Variants in LIMA1 observed in about 807,000 individuals in gnomAD.
LIMA1 encodes LIM domain and actin-binding protein 1.
Under a neutral mutation model 62.6 loss-of-function variants are expected in LIMA1, and 52 were observed. That is an observed-to-expected ratio of 0.83 (90% CI 0.67 to 1.05). LIMA1 has a LOEUF of 1.05. LIMA1 is among the 50% of genes least tolerant of loss of function. The pLI is 0.00. For missense variants in LIMA1, 780 were observed against 902.2 expected, an observed-to-expected ratio of 0.86 and a Z score of 1.74; for synonymous variants, 302 against 317.8, an observed-to-expected ratio of 0.95 and a Z score of 0.53.
At chr12:50,230,611 T>C (rs1399124259) in intron 3 of LIMA1, among the ~76,000 whole-genome samples, 2 of 152,174 alleles carry the variant, frequency 1.3e-5, no homozygotes, top group Non-Finnish European at 2.9e-5. Context: ...TCTGGCTGAC[T>C]GCAGAGTCAA....
Position 50,274,138 on chromosome 12 carries a change from TA to T in LIMA1, c.-24+9281del, listed in dbSNP as rs533066450. 6.4e-4 allele frequency among the ~76,000 whole-genome samples: 97 copies of T among 152,016 alleles called. 1 individual carries two copies. Among genetic ancestry groups the T allele is most frequent in the Non-Finnish European group, 1.2e-3 (83 of 67,952 alleles). On this transcript the variant is annotated intron_variant, in intron 1 of 10. Coordinates refer to ENST00000341247, the MANE Select transcript of LIMA1 (RefSeq NM_016357.5). Reference sequence around the variant, plus strand: ...GGACCGACCTCAGCTGTTGTCCAGTTAAAAAAAATACAACACTTTGGATTGC... The same window carrying T: ...GGACCGACCTCAGCTGTTGTCCAGTTAAAAAAATACAACACTTTGGATTGC...
intron 4 of LIMA1, chr12:50,219,570 A>G (rs978987769): frequency 6.6e-6 from 1 of 152,172 alleles, no homozygotes; most frequent in Non-Finnish European, 1.5e-5. Context: ...CAATAAAACC[A>G]AGGGTGGCTG....
At chr12:50,228,297 A>G (rs931638146) in intron 3 of LIMA1, among the ~76,000 whole-genome samples, 1 of 152,132 alleles carries the variant, frequency 6.6e-6, no homozygotes, top group African/African-American at 2.4e-5. Flanking sequence ...ATGATTGTCT[A>G]TACTCGTGGG....
chr12:50,210,913 G>C (rs1941244761), intron 4 of LIMA1, among the ~76,000 whole-genome samples: 1 of 152,186 alleles, frequency 6.6e-6, no homozygotes, highest in African/African-American at 2.4e-5. Context: ...ACAGACTGTG[G>C]CTCTGAGGAG....
Position 50,177,312 on chromosome 12 carries a change from T to C in LIMA1, c.2032A>G (p.Asn678Asp). Residue 678 changes from asparagine (N) to aspartate (D), a missense_variant, in exon 11 of 11, where the codon AAT (asparagine) becomes GAT (aspartate). Asn to Asp is a conservative substitution (Grantham distance 23). Coordinates refer to ENST00000341247, the MANE Select transcript of LIMA1 (RefSeq NM_016357.5). ...EGHSLEMENE[N>D]LVENGADSDE... ...GAGTCTGCACCATTTTCTACAAGATTCTCATTCTCCATCTCCAAACTATGA... is the reference window on the plus strand; with the variant it reads ...GAGTCTGCACCATTTTCTACAAGATCCTCATTCTCCATCTCCAAACTATGA... 6.2e-7 allele frequency: 1 copy of C among 1,614,232 alleles called. No individual in the cohort carries two copies. The highest frequency in any genetic ancestry group is 1.1e-5 in the South Asian group (1 of 91,082).
At chr12:50,261,145 C>T (rs1357926598) in intron 1 of LIMA1, among the ~76,000 whole-genome samples, 3 of 147,316 alleles carry the variant, frequency 2.0e-5, no homozygotes, top group African/African-American at 2.5e-5. Context: ...CTCCGCCTCC[C>T]GGGTTCACGT....
Position 50,248,628 on chromosome 12 carries a change from C to G in LIMA1, c.119+5G>C. Reference sequence around the variant, plus strand: ...TGGTCCTTTTGGACCAGGATCAGCACTTACTTGGAGAATATTTCCACAATA... The same window carrying G: ...TGGTCCTTTTGGACCAGGATCAGCAGTTACTTGGAGAATATTTCCACAATA... On this transcript the variant is annotated splice_donor_5th_base_variant and intron_variant, in intron 2 of 10. Coordinates refer to ENST00000341247, the MANE Select transcript of LIMA1 (RefSeq NM_016357.5). 6.3e-7 allele frequency: 1 copy of G among 1,577,062 alleles called. No individual in the cohort carries two copies.
chr12:50,282,174 T>C (rs1342515424), intron 1 of LIMA1, among the ~76,000 whole-genome samples: 1 of 152,222 alleles, frequency 6.6e-6, no homozygotes, highest in African/African-American at 2.4e-5. Context: ...GTGATCATCC[T>C]GCACCCAGGT....
intron 4 of LIMA1, 67 bp downstream of exon 4, chr12:50,221,954 T>C (rs1284283699): frequency 7.2e-7 from 1 of 1,389,026 alleles, no homozygotes; most frequent in African/African-American, 1.4e-5. Context: ...AATAGCTAGA[T>C]TGGAAAAACA....
intron 1 of LIMA1, among the ~76,000 whole-genome samples, chr12:50,266,101 CTT>C (rs1296508678): frequency 6.6e-6 from 1 of 152,188 alleles, no homozygotes; most frequent in African/African-American, 2.4e-5. Context: ...CCTGCCAGCT[CTT>C]GTCTGCCCTC....
At chr12:50,271,443 T>G (rs1222366522) in intron 1 of LIMA1, among the ~76,000 whole-genome samples, 1 of 152,168 alleles carries the variant, frequency 6.6e-6, no homozygotes, top group Non-Finnish European at 1.5e-5. Flanking sequence ...CATTTGGTTC[T>G]TTCCCTCCCC....
At position 50,202,959 on chromosome 12, in the gene LIMA1, TG is replaced by T. The variant is rs1238354571; in HGVS notation, c.864+1592del. Among the ~76,000 whole-genome samples, 4 of 152,042 alleles carry T rather than the reference TG, an allele frequency of 2.6e-5. No homozygotes were observed. The East Asian group carries it at 7.7e-4, about 29-fold the overall frequency. ...ATGTGTGTGTACATTTGTATCTATG[TG>T]TGTGTATACATATATATGTGAATAA... is the stretch of plus-strand genomic sequence containing the variant. On this transcript the variant is annotated intron_variant, in intron 6 of 10. Transcript: ENST00000341247.
chr12:50,230,857 G>A (rs1242227925), intron 3 of LIMA1, among the ~76,000 whole-genome samples: 1 of 152,214 alleles, frequency 6.6e-6, no homozygotes, highest in Non-Finnish European at 1.5e-5. Flanking sequence ...GATTACAGGC[G>A]TGAGCCACCG....
At chr12:50,270,183 C>T (rs1030285525) in intron 1 of LIMA1, among the ~76,000 whole-genome samples, 1 of 136,764 alleles carries the variant, frequency 7.3e-6, no homozygotes. Context: ...TGCGATGAGC[C>T]GAGATCGCGC....
At chr12:50,190,723 A>C (rs1940746321) in intron 9 of LIMA1, among the ~76,000 whole-genome samples, 1 of 117,188 alleles carries the variant, frequency 8.5e-6, no homozygotes, top group Non-Finnish European at 1.7e-5. Flanking sequence ...TTTTTTCAGA[A>C]AATGGGCTGG....
At chr12:50,199,506 G>A (rs1940999531) in intron 7 of LIMA1, among the ~76,000 whole-genome samples, 1 of 152,082 alleles carries the variant, frequency 6.6e-6, no homozygotes, top group Non-Finnish European at 1.5e-5. Flanking sequence ...AGGAAGTCAG[G>A]TTAAATATCT....
intron 10 of LIMA1, among the ~76,000 whole-genome samples, chr12:50,178,988 CTTTTTT>C (rs200252665): frequency 1.7e-5 from 2 of 118,730 alleles, no homozygotes; most frequent in African/African-American, 6.0e-5. Context: ...TTTTTCTTTT[CTTTTTT>C]TGAGAGAATC....
chr12:50,186,147 C>T (rs1202118652), intron 9 of LIMA1: 10 of 152,326 alleles, frequency 6.6e-5, no homozygotes, highest in Admixed American at 6.5e-4. Context: ...TTATCACAGG[C>T]CTGGCATACA....
At chr12:50,244,369 C>G (rs1941819157) in intron 2 of LIMA1, among the ~76,000 whole-genome samples, 1 of 152,108 alleles carries the variant, frequency 6.6e-6, no homozygotes, top group Non-Finnish European at 1.5e-5. Context: ...TCCCAAAGTA[C>G]TGGGATTACA....
Sources: gnomAD v4.1 joint callset for allele counts (sites outside exome capture counted in the v4.1 genomes callset) on GRCh38, gnomAD v4.1.1 for gene constraint, MANE v1.5 for transcripts, NCBI Gene and HGNC (gene_info 2026-07-23, HGNC 2026-07-21) for gene names.